ANXA11: variants seen among roughly 807,000 people sequenced by gnomAD.
The protein encoded by ANXA11 is annexin A11, also known as 56 kDa autoantigen.
A neutral mutation model predicts 64.7 loss-of-function variants in ANXA11; 57 were observed. The ratio of observed to expected loss-of-function variants is 0.88; its 90% confidence interval spans 0.71 to 1.10. ANXA11 has a LOEUF of 1.10. Among genes scored for constraint, ANXA11 ranks in the 50% least tolerant of loss-of-function variants. The pLI is 0.00. For missense variants in ANXA11, 675 were observed against 670.7 expected (o/e 1.01, Z -0.07); for synonymous variants, 260 against 265.2 (o/e 0.98, Z 0.19).
chr10:80,161,897 C>T (rs753582528), intron 12 of ANXA11, 38 bp downstream of exon 12: 1 of 1,546,522 alleles, frequency 6.5e-7, no homozygotes, highest in East Asian at 2.3e-5. Context: ...TGACTGCCCT[C>T]ATCTAACTGG....
intron 6 of ANXA11, 35 bp from the exon 7 acceptor site, chr10:80,167,019 G>T: frequency 6.7e-7 from 1 of 1,493,314 alleles, no homozygotes; most frequent in Non-Finnish European, 9.2e-7. Flanking sequence ...GGTCGGGTAG[G>T]GGTCATGAGA....
chr10:80,178,665 C>A (rs1164444012), intron 1 of ANXA11, among the ~76,000 whole-genome samples: 1 of 152,224 alleles, frequency 6.6e-6, no homozygotes, highest in East Asian at 1.9e-4. Context: ...ATTGCTGGGC[C>A]CCACCTCCAG....
At chr10:80,182,286 T>TA (rs1846384924) in intron 1 of ANXA11, among the ~76,000 whole-genome samples, 2 of 152,150 alleles carry the variant, frequency 1.3e-5, no homozygotes, top group South Asian at 4.2e-4. Context: ...ATAACCACTC[T>TA]AAAAAATAAA....
chr10:80,197,923 CA>C (rs532001963), intron 1 of ANXA11, among the ~76,000 whole-genome samples: 141 of 141,942 alleles, frequency 9.9e-4, no homozygotes, highest in Non-Finnish European at 9.5e-4. Context: ...GACTCCGTCT[CA>C]AAAAAAAAAA....
intron 1 of ANXA11, among the ~76,000 whole-genome samples, chr10:80,194,992 C>T (rs1426375091): frequency 1.3e-5 from 2 of 152,128 alleles, no homozygotes; most frequent in Non-Finnish European, 2.9e-5. Flanking sequence ...TATGAGCCAT[C>T]TCATCTCCTT....
chr10:80,200,747 C>A (rs1840384022), intron 1 of ANXA11, among the ~76,000 whole-genome samples: 1 of 152,142 alleles, frequency 6.6e-6, no homozygotes, highest in African/African-American at 2.4e-5. Flanking sequence ...AAATTTAATA[C>A]CAGCCAGGTG....
chr10:80,172,793 C>T lies in ANXA11; in HGVS notation c.55+14G>A. 6.2e-7 allele frequency: 1 copy of T among 1,613,808 alleles called. No individual in the cohort carries two copies. On this transcript the variant is annotated intron_variant, in intron 3 of 15. Transcript: ENST00000422982. Reference sequence around the variant, plus strand: ...GGCAGCATTCACTCTCCTCCCCACCCCAGACCCTCTTACCTGGTGCAGCTG... The same window carrying T: ...GGCAGCATTCACTCTCCTCCCCACCTCAGACCCTCTTACCTGGTGCAGCTG...
intron 1 of ANXA11, among the ~76,000 whole-genome samples, chr10:80,191,958 A>G (rs1323233088): frequency 6.6e-6 from 1 of 152,218 alleles, no homozygotes; most frequent in Non-Finnish European, 1.5e-5. Flanking sequence ...TGATACAGCA[A>G]GACCCTAAGA....
chr10:80,171,888 T>C (rs556248755), intron 3 of ANXA11: 3 of 985,402 alleles, frequency 3.0e-6, no homozygotes, highest in Admixed American at 1.2e-4. Context: ...CAACCTGGGG[T>C]GGGCTCATTC....
In ANXA11 at chr10:80,168,827, G is replaced by A. The variant is rs543347033; in HGVS notation, c.561+142C>T. ...GCTGGGATTACAGGCATGAGTCACT[G>A]CACCCGGCCGACACTATTTGTTAAA... On this transcript the variant is annotated intron_variant, in intron 5 of 15. Coordinates refer to ENST00000422982, the MANE Select transcript of ANXA11 (RefSeq NM_145868.2). The A allele has an allele frequency of 7.6e-5, 76 of 999,216 alleles. No individual in the cohort carries two copies. In the African/African-American group the frequency reaches 1.2e-3, roughly 15 times the overall value. 61.9% of individuals were successfully genotyped at this position (999,216 alleles called of 1,614,324 possible). A position where few individuals can be genotyped will look rare whatever the true frequency, so the allele number is the denominator to read the frequency against.
At chr10:80,183,382 T>A (rs1846424526) in intron 1 of ANXA11, among the ~76,000 whole-genome samples, 1 of 152,194 alleles carries the variant, frequency 6.6e-6, no homozygotes, top group Non-Finnish European at 1.5e-5. Flanking sequence ...CTTTTTGAGG[T>A]CCTTCCTTCC....
intron 1 of ANXA11, among the ~76,000 whole-genome samples, chr10:80,202,273 T>G (rs1278673305): frequency 5.3e-5 from 8 of 151,962 alleles, no homozygotes; most frequent in Non-Finnish European, 8.8e-5. Flanking sequence ...TGTCCCCCAA[T>G]TTCTTAGTTG....
At chr10:80,177,094 C>T (rs1419451646) in intron 1 of ANXA11, among the ~76,000 whole-genome samples, 1 of 152,024 alleles carries the variant, frequency 6.6e-6, no homozygotes, top group Admixed American at 6.6e-5. Flanking sequence ...ATTCTCCTGC[C>T]CTAGCCTCCC....
chr10:80,174,166 C>T lies in ANXA11; in HGVS notation c.-8-1297G>A, dbSNP rs574296260. Among the ~76,000 whole-genome samples the T allele has an allele frequency of 1.1e-3, 167 of 152,024 alleles. 1 individual carries two copies. The highest frequency in any genetic ancestry group is 3.0e-3 in the African/African-American group (126 of 41,470). On this transcript the variant is annotated intron_variant, in intron 2 of 15. Transcript: ENST00000422982. ...ACCTCCTGGGCTCAGGTAATCCTCC[C>T]GCCTCAGCCTCCTAAAGACATGTGC... is the stretch of plus-strand genomic sequence containing the variant.
At chr10:80,167,469 G>A (rs570362474) in intron 5 of ANXA11, among the ~76,000 whole-genome samples, 156 bp from the exon 6 acceptor site, 6 of 152,314 alleles carry the variant, frequency 3.9e-5, no homozygotes, top group African/African-American at 1.2e-4. Context: ...TTTACGCCGC[G>A]TCTACCTAAC....
Position 80,164,121 on chromosome 10 carries a change from C to G in ANXA11, c.881G>C (p.Cys294Ser). 2 of 1,614,104 alleles carry G rather than the reference C, an allele frequency of 1.2e-6. No individual in the cohort carries two copies. Among genetic ancestry groups the G allele is most frequent in the Non-Finnish European group, 1.7e-6 (2 of 1,179,966 alleles). ...AIKGVGTDEACLIEILASRSN... is the reference protein window; with the variant it reads ...AIKGVGTDEASLIEILASRSN... ...GCGGGAAGCGAGGATCTCAATCAGG[C>G]AGGCTTCATCAGTGCCAACCCCCTG... is the stretch of plus-strand genomic sequence containing the variant. The change falls in exon 9 of 16, where the codon TGC becomes TCC. Residue 294 changes from cysteine (C) to serine (S), a missense_variant. Transcript: ENST00000422982.
At chr10:80,175,443 C>T (rs2819951) in intron 2 of ANXA11, among the ~76,000 whole-genome samples, 9,573 of 152,086 alleles carry the variant, frequency 0.063, 307 homozygotes, top group Middle Eastern at 0.099. Context: ...CACAGCCAGG[C>T]CAGGGAAAAA....
At position 80,166,038 on chromosome 10, in the gene ANXA11, GCGCGCACACACACACACACACACACA is replaced by G. The variant is rs1300011802; in HGVS notation, c.858+20_858+45del. 3 of 557,456 alleles carry G rather than the reference GCGCGCACACACACACACACACACACA, an allele frequency of 5.4e-6. No homozygotes were observed. Among genetic ancestry groups the G allele is most frequent in the African/African-American group, 5.2e-5 (2 of 38,810 alleles). The allele number at this position is 557,456 out of a possible 1,614,324, so 34.5% of individuals were successfully genotyped here. On this transcript the variant is annotated intron_variant, in intron 8 of 15. Coordinates refer to ENST00000422982, the MANE Select transcript of ANXA11 (RefSeq NM_145868.2). ...CACGCATGCGCGCGTGCGCACACACGCGCGCACACACACACACACACACACACACACACACACGTACACACCTTGAT... is the reference window on the plus strand; with the variant it reads ...CACGCATGCGCGCGTGCGCACACACGCACACACACACGTACACACCTTGAT...
Position 80,166,830 on chromosome 10 carries a change from C to T in ANXA11, c.744+60G>A, listed in dbSNP as rs1418155931. On this transcript the variant is annotated intron_variant, in intron 7 of 15. Coordinates refer to ENST00000422982, the MANE Select transcript of ANXA11 (RefSeq NM_145868.2). ...CCACCCAAGGAAAAGCAGGGGAGAG[C>T]AGGGCTGTGCTGAGCCCAGGACACG... 4.6e-6 allele frequency: 6 copies of T among 1,302,698 alleles called. No individual in the cohort carries two copies. In the East Asian group the frequency reaches 1.5e-4, roughly 33 times the overall value. The allele number at this position is 1,302,698 out of a possible 1,614,324, so 80.7% of individuals were successfully genotyped here.
Sources: gnomAD v4.1 joint callset for allele counts (sites outside exome capture counted in the v4.1 genomes callset) on GRCh38, gnomAD v4.1.1 for gene constraint, MANE v1.5 for transcripts, NCBI Gene and HGNC (gene_info 2026-07-23, HGNC 2026-07-21) for gene names.